The following MELK variants were observed in gnomAD, a reference collection of about 807,000 sequenced individuals.
MELK encodes the protein pEg3 kinase.
MELK carries 81 observed loss-of-function variants against 85.0 expected under a neutral mutation model. The ratio of observed to expected loss-of-function variants is 0.95; its 90% CI spans 0.80 to 1.15. The LOEUF is 1.15. Ranked by LOEUF, MELK falls within the 50% of genes most tolerant of loss-of-function variation. The pLI is 0.00. For synonymous variants in MELK, 252 were observed against 265.0 expected (o/e 0.95, Z 0.48); for missense variants, 754 against 777.5 (o/e 0.97, Z 0.36).
chr9:36,580,048 T>TC (rs1822046363), intron 1 of MELK, among the ~76,000 whole-genome samples: 3 of 145,700 alleles, frequency 2.1e-5, no homozygotes, highest in South Asian at 4.2e-4. Flanking sequence ...CTTTTTTTTT[T>TC]TTTTTTTTTT....
At chr9:36,614,320 T>C (rs1358103278) in intron 8 of MELK, among the ~76,000 whole-genome samples, 2 of 151,880 alleles carry the variant, frequency 1.3e-5, no homozygotes, top group Non-Finnish European at 2.9e-5. Flanking sequence ...GGTCTTGAAC[T>C]CCTGACTCAG....
chr9:36,615,579 A>G lies in MELK; in HGVS notation c.666+7906A>G, dbSNP rs753627635. On this transcript the variant is annotated intron_variant, in intron 8 of 17. Coordinates refer to ENST00000298048, the MANE Select transcript of MELK (RefSeq NM_014791.4). ...CAGATGGGGTGGCTGCTGGGCGGAG[A>G]GGCTCCTCACTTCTCAGACGGGGTG... Among the ~76,000 whole-genome samples the G allele has an allele frequency of 3.0e-3, 350 of 115,116 alleles. 9 individuals are homozygous for G. Among genetic ancestry groups the G allele is most frequent in the African/African-American group, 4.2e-3 (86 of 20,326 alleles). 75.5% of individuals were successfully genotyped at this position (115,116 alleles called of 152,430 possible). A position where few individuals can be genotyped will look rare whatever the true frequency, so the allele number is the denominator to read the frequency against.
At chr9:36,593,840 C>T (rs1409805519) in intron 4 of MELK, among the ~76,000 whole-genome samples, 3 of 152,128 alleles carry the variant, frequency 2.0e-5, no homozygotes, top group Admixed American at 1.3e-4. Flanking sequence ...TACAGGCGCC[C>T]GCCACCACGC....
chr9:36,623,650 G>A (rs931353762), intron 8 of MELK, among the ~76,000 whole-genome samples: 11 of 152,240 alleles, frequency 7.2e-5, no homozygotes, highest in African/African-American at 2.7e-4. Context: ...CTGCAGTGGG[G>A]CAGTGCTCCA....
intron 1 of MELK, among the ~76,000 whole-genome samples, chr9:36,577,912 C>T (rs1274942726): frequency 2.6e-5 from 4 of 152,124 alleles, no homozygotes; most frequent in Admixed American, 2.6e-4. Flanking sequence ...CTCAGCCTCC[C>T]AAAGTGCCGG....
chr9:36,629,407 G>A (rs1438387578), intron 8 of MELK, among the ~76,000 whole-genome samples: 1 of 152,112 alleles, frequency 6.6e-6, no homozygotes, highest in Non-Finnish European at 1.5e-5. Flanking sequence ...TCTTTTCTTT[G>A]ATGACTTGGT....
At chr9:36,656,430 TG>T (rs1257076956) in intron 12 of MELK, among the ~76,000 whole-genome samples, 4 of 152,228 alleles carry the variant, frequency 2.6e-5, no homozygotes, top group Admixed American at 2.0e-4. Context: ...TAATTTGAAC[TG>T]AAATTTTCTG....
At chr9:36,670,473 G>A (rs1832784896) in intron 15 of MELK, among the ~76,000 whole-genome samples, 1 of 151,952 alleles carries the variant, frequency 6.6e-6, no homozygotes, top group African/African-American at 2.4e-5. Context: ...AGAGTAAAGT[G>A]TCATGATATG....
At chr9:36,611,063 G>T (rs1258704348) in intron 8 of MELK, among the ~76,000 whole-genome samples, 1 of 152,158 alleles carries the variant, frequency 6.6e-6, no homozygotes, top group Non-Finnish European at 1.5e-5. Context: ...GGCATATTCA[G>T]TCAGTAAGCG....
chr9:36,578,333 G>T (rs1024881549), intron 1 of MELK, among the ~76,000 whole-genome samples: 2 of 151,566 alleles, frequency 1.3e-5, no homozygotes, highest in Admixed American at 6.6e-5. Context: ...AGCAGCCTCA[G>T]TTCAGTACCT....
intron 3 of MELK, among the ~76,000 whole-genome samples, chr9:36,588,069 A>G (rs1823126352): frequency 2.0e-5 from 3 of 150,154 alleles, no homozygotes. Flanking sequence ...ACCCAATCAG[A>G]GTCCTTTTTT....
Position 36,597,244 on chromosome 9 carries a change from A to G in MELK, c.428A>G (p.Tyr143Cys), listed in dbSNP as rs1317392900. The change falls in exon 6 of 18, where the codon TAT becomes TGT. Residue 143 changes from tyrosine to cysteine, a missense_variant. Tyr to Cys is a radical substitution (Grantham distance 194, BLOSUM62 -2). Transcript: ENST00000298048. Reference protein sequence around the residue: ...LKPENLLFDEYHKLKLIDFGL... With the variant: ...LKPENLLFDECHKLKLIDFGL... Reference sequence around the variant, plus strand: ...CAGGAAAATTTGCTGTTTGATGAATATCATAAATTAAAGCTGATTGACTTT... The same window carrying G: ...CAGGAAAATTTGCTGTTTGATGAATGTCATAAATTAAAGCTGATTGACTTT... 2 of 1,613,870 alleles carry G rather than the reference A, an allele frequency of 1.2e-6. No homozygotes were observed. The highest frequency in any genetic ancestry group is 1.7e-6 in the Non-Finnish European group (2 of 1,179,758).
At chr9:36,631,664 C>A (rs747030266) in intron 9 of MELK, among the ~76,000 whole-genome samples, 12 of 151,958 alleles carry the variant, frequency 7.9e-5, no homozygotes, top group Non-Finnish European at 1.6e-4. Flanking sequence ...CAGCCTTGAC[C>A]CCCAGGCTCA....
At chr9:36,650,450 A>G (rs1194996758) in intron 11 of MELK, among the ~76,000 whole-genome samples, 2 of 152,206 alleles carry the variant, frequency 1.3e-5, no homozygotes, top group Non-Finnish European at 2.9e-5. Context: ...GAAAGTTCAT[A>G]CAAAAAGGCT....
intron 8 of MELK, among the ~76,000 whole-genome samples, chr9:36,627,976 A>G (rs1232648110): frequency 1.3e-5 from 2 of 152,044 alleles, no homozygotes; most frequent in East Asian, 1.9e-4. Context: ...ATCTTGGCTC[A>G]CTGCAACCTC....
chr9:36,578,657 A>G (rs952656029), intron 1 of MELK, among the ~76,000 whole-genome samples: 8 of 152,164 alleles, frequency 5.3e-5, no homozygotes, highest in African/African-American at 1.2e-4. Flanking sequence ...AACATTGTTT[A>G]TATGGTTATG....
intron 3 of MELK, among the ~76,000 whole-genome samples, chr9:36,585,313 T>G (rs1322799338): frequency 1.4e-5 from 2 of 142,078 alleles, no homozygotes; most frequent in Non-Finnish European, 3.1e-5. Flanking sequence ...TTTTTTTTTT[T>G]TTTTTTTTTT....
chr9:36,636,496 C>A (rs1384660775), intron 10 of MELK, among the ~76,000 whole-genome samples: 2 of 151,948 alleles, frequency 1.3e-5, no homozygotes, highest in Admixed American at 1.3e-4. Context: ...GAGCGAAACT[C>A]CGCCTCAAAA....
intron 14 of MELK, among the ~76,000 whole-genome samples, chr9:36,668,175 G>A (rs1237609585): frequency 6.6e-6 from 1 of 152,182 alleles, no homozygotes; most frequent in Non-Finnish European, 1.5e-5. Flanking sequence ...GGGCAGTTCT[G>A]TATGGTGATA....
Sources: gnomAD v4.1 joint callset for allele counts (sites outside exome capture counted in the v4.1 genomes callset) on GRCh38, gnomAD v4.1.1 for gene constraint, MANE v1.5 for transcripts, NCBI Gene and HGNC (gene_info 2026-07-23, HGNC 2026-07-21) for gene names.